SH3GL2: variants seen among roughly 807,000 people sequenced by gnomAD.
The protein encoded by SH3GL2 is endophilin-A1.
A neutral mutation model predicts 46.0 loss-of-function variants in SH3GL2; 24 were observed. That is an observed-to-expected ratio of 0.52 (90% CI 0.38 to 0.73). The LOEUF (loss-of-function observed/expected upper bound fraction) is 0.73, where lower values mean the gene tolerates loss of function less well. SH3GL2 is among the 30% of genes least tolerant of loss of function. The pLI is 0.00. For missense variants in SH3GL2, 413 were observed against 424.2 expected (o/e 0.97, Z 0.23); for synonymous variants, 196 against 147.1 (o/e 1.33, Z -2.40).
chr9:17,670,083 C>G (rs1820436141), intron 1 of SH3GL2, among the ~76,000 whole-genome samples: 1 of 152,052 alleles, frequency 6.6e-6, no homozygotes, highest in Non-Finnish European at 1.5e-5. Context: ...AGCCCCTACC[C>G]CAATCTTTTA....
chr9:17,786,732 C>G (rs186438646), intron 4 of SH3GL2, among the ~76,000 whole-genome samples: 8 of 152,138 alleles, frequency 5.3e-5, no homozygotes, highest in African/African-American at 1.7e-4. Context: ...CCACCCCCCC[C>G]ACTATAAGAC....
intron 2 of SH3GL2, among the ~76,000 whole-genome samples, chr9:17,758,389 C>T (rs9406696): frequency 0.026 from 3,911 of 151,484 alleles, 152 homozygotes; most frequent in African/African-American, 0.089. Flanking sequence ...GGCAAAACCC[C>T]GTCTCTACCA....
At chr9:17,698,873 C>A (rs1225046479) in intron 1 of SH3GL2, among the ~76,000 whole-genome samples, 4 of 151,918 alleles carry the variant, frequency 2.6e-5, no homozygotes, top group African/African-American at 9.7e-5. Context: ...AAATCAAATA[C>A]AGGCCAGGCG....
chr9:17,665,329 C>T (rs776817956), intron 1 of SH3GL2, among the ~76,000 whole-genome samples: 6 of 152,128 alleles, frequency 3.9e-5, no homozygotes, highest in Admixed American at 1.3e-4. Context: ...GTCCAGGATC[C>T]ATCCACTTGT....
intron 1 of SH3GL2, among the ~76,000 whole-genome samples, chr9:17,606,071 T>C (rs1401765347): frequency 7.3e-6 from 1 of 137,202 alleles, no homozygotes. Context: ...CGGGGTCAGC[T>C]TCACTTGCGT....
At chr9:17,723,095 A>G (rs1821936233) in intron 1 of SH3GL2, among the ~76,000 whole-genome samples, 1 of 152,166 alleles carries the variant, frequency 6.6e-6, no homozygotes, top group Non-Finnish European at 1.5e-5. Context: ...TGTTTTCCAG[A>G]TGCCAGTGCA....
chr9:17,650,574 G>A lies in SH3GL2; in HGVS notation c.45+71287G>A, dbSNP rs570715811. On this transcript the variant is annotated intron_variant, in intron 1 of 8. Coordinates refer to ENST00000380607, the MANE Select transcript of SH3GL2 (RefSeq NM_003026.5). ...TTTAGTAGAGACAGGGTTTCACCAT[G>A]TTGGCCACTGCTGACCTCCTGATCC... Among the ~76,000 whole-genome samples, 155 of 152,114 alleles carry A rather than the reference G, an allele frequency of 1.0e-3. 1 individual carries two copies. Among genetic ancestry groups the A allele is most frequent in the African/African-American group, 3.6e-3 (150 of 41,518 alleles).
intron 1 of SH3GL2, among the ~76,000 whole-genome samples, chr9:17,725,015 T>C (rs1821987065): frequency 6.6e-6 from 1 of 152,074 alleles, no homozygotes; most frequent in African/African-American, 2.4e-5. Context: ...CATTCTCTCC[T>C]GAGAGGGTGC....
chr9:17,579,316 G>A (rs1563769657), intron 1 of SH3GL2, 29 bp downstream of exon 1: 2 of 1,506,896 alleles, frequency 1.3e-6, no homozygotes, highest in Non-Finnish European at 1.8e-6. Flanking sequence ...GCGTCCCGGG[G>A]CAGTCCGGGG....
At chr9:17,725,821 G>A (rs1192804720) in intron 1 of SH3GL2, among the ~76,000 whole-genome samples, 2 of 152,140 alleles carry the variant, frequency 1.3e-5, no homozygotes, top group African/African-American at 4.8e-5. Context: ...ACACATGGCT[G>A]GGGGTTGAAT....
chr9:17,728,322 C>T (rs1052006868), intron 1 of SH3GL2, among the ~76,000 whole-genome samples: 1 of 152,064 alleles, frequency 6.6e-6, no homozygotes, highest in Non-Finnish European at 1.5e-5. Context: ...TGAAGTACCA[C>T]AGCAATTAAA....
chr9:17,731,713 T>A (rs1164017617), intron 1 of SH3GL2, among the ~76,000 whole-genome samples: 1 of 152,154 alleles, frequency 6.6e-6, no homozygotes, highest in Non-Finnish European at 1.5e-5. Context: ...CCCTCATCGC[T>A]GTTAGGATGG....
chr9:17,748,698 AG>A (rs1369437576), intron 2 of SH3GL2, among the ~76,000 whole-genome samples: 2 of 152,110 alleles, frequency 1.3e-5, no homozygotes, highest in African/African-American at 4.8e-5. Flanking sequence ...AAGGTTCCTG[AG>A]TGCATGAAGT....
chr9:17,636,746 G>C (rs982172127), intron 1 of SH3GL2, among the ~76,000 whole-genome samples: 4 of 152,092 alleles, frequency 2.6e-5, no homozygotes, highest in Non-Finnish European at 5.9e-5. Context: ...TGTTACTCTT[G>C]TGTCCACTGT....
chr9:17,662,982 C>T (rs1289996739), intron 1 of SH3GL2, among the ~76,000 whole-genome samples: 3 of 152,160 alleles, frequency 2.0e-5, no homozygotes, highest in African/African-American at 7.2e-5. Flanking sequence ...GGATTAGAGG[C>T]GTGAGCCACC....
At chr9:17,636,163 A>C (rs779301309) in intron 1 of SH3GL2, among the ~76,000 whole-genome samples, 8 of 152,232 alleles carry the variant, frequency 5.3e-5, no homozygotes, top group Non-Finnish European at 8.8e-5. Flanking sequence ...GGAGTTTAAA[A>C]AGAGTTACTT....
chr9:17,651,704 A>C (rs1009976088), intron 1 of SH3GL2, among the ~76,000 whole-genome samples: 4 of 152,168 alleles, frequency 2.6e-5, no homozygotes, highest in Non-Finnish European at 5.9e-5. Flanking sequence ...TTGGCTAAAG[A>C]ATTCTAGGAT....
rs959955027 is a variant in SH3GL2, at chr9:17,721,377, T to C, written c.46-25689T>C. Among the ~76,000 whole-genome samples the C allele has an allele frequency of 3.5e-4, 54 of 152,116 alleles. 1 individual carries two copies. Among genetic ancestry groups the C allele is most frequent in the Admixed American group, 3.5e-3 (53 of 15,250 alleles). ...TCTCTCACCAGAGATAGTTTTGATA[T>C]ATAAGGACTTAGTTTTCTGTTAATC... On this transcript the variant is annotated intron_variant, in intron 1 of 8. Coordinates refer to ENST00000380607, the MANE Select transcript of SH3GL2 (RefSeq NM_003026.5).
chr9:17,726,801 C>G (rs758887351), intron 1 of SH3GL2, among the ~76,000 whole-genome samples: 3 of 152,022 alleles, frequency 2.0e-5, no homozygotes, highest in Admixed American at 6.6e-5. Flanking sequence ...AAAAGTCTGA[C>G]AAAGTATTGG....
Sources: allele counts gnomAD v4.1 joint callset (sites outside exome capture counted in the v4.1 genomes callset), GRCh38; gene constraint gnomAD v4.1.1; transcripts MANE v1.5; gene names NCBI Gene and HGNC (gene_info 2026-07-23, HGNC 2026-07-21).